Variants in CLNK observed in about 807,000 individuals in gnomAD.
The protein encoded by CLNK is cytokine dependent hematopoietic cell linker, also known as cytokine-dependent hematopoietic cell linker.
CLNK carries 74 observed loss-of-function variants against 68.6 expected under a neutral mutation model. That is an observed-to-expected ratio of 1.08 (90% CI 0.89 to 1.31). The LOEUF (loss-of-function observed/expected upper bound fraction) is 1.31. CLNK is among the 50% of genes most tolerant of loss of function. The probability of loss-of-function intolerance (pLI) is 0.00; values close to 1 mark genes in which losing one functional copy is unlikely to be tolerated. For synonymous variants in CLNK, 198 were observed against 172.2 expected (o/e 1.15, Z -1.17); for missense variants, 553 against 515.3 (o/e 1.07, Z -0.71).
At chr4:10,654,002 T>C (rs963322441) in intron 2 of CLNK, among the ~76,000 whole-genome samples, 1 of 144,348 alleles carries the variant, frequency 6.9e-6, no homozygotes, top group Non-Finnish European at 1.5e-5. Flanking sequence ...GAAATACCAA[T>C]TCAAGATCAG....
chr4:10,578,395 G>A (rs1720649928), intron 4 of CLNK, among the ~76,000 whole-genome samples: 2 of 152,080 alleles, frequency 1.3e-5, no homozygotes, highest in South Asian at 4.1e-4. Context: ...CCCTTCAGCT[G>A]TGAGGCACAG....
intron 8 of CLNK, among the ~76,000 whole-genome samples, chr4:10,545,645 G>A (rs1175262686): frequency 6.6e-6 from 1 of 152,034 alleles, no homozygotes; most frequent in African/African-American, 2.4e-5. Flanking sequence ...GCCCTGGTGG[G>A]GACTCCATTA....
rs57998581 is a variant in CLNK at position 10,665,662 on chromosome 4, C to CAAAA, written c.11+2193_11+2196dup. The stretch of plus-strand genomic sequence containing the variant: ...CTGGTGACAGAGCAAGACTTCGTCT[C>CAAAA]AAAAAAAAAAAAAAAAAAAAAGGCA... On this transcript the variant is annotated intron_variant, in intron 2 of 18. Coordinates refer to ENST00000226951, the MANE Select transcript of CLNK (RefSeq NM_052964.4). 3.8e-3 allele frequency among the ~76,000 whole-genome samples: 235 copies of CAAAA among 62,630 alleles called. 2 individuals are homozygous for CAAAA. Among genetic ancestry groups the CAAAA allele is most frequent in the Admixed American group, 7.5e-3 (42 of 5,634 alleles). 41.1% of individuals were successfully genotyped at this position (62,630 alleles called of 152,430 possible). A position where few individuals can be genotyped will look rare whatever the true frequency, so the allele number is the denominator to read the frequency against.
chr4:10,527,954 A>C, intron 13 of CLNK, 122 bp downstream of exon 13: 1 of 458,798 alleles, frequency 2.2e-6, no homozygotes, highest in Admixed American at 4.5e-5. Flanking sequence ...GTTCACACAC[A>C]TACATCCCCA....
the CLNK span, among the ~76,000 whole-genome samples, chr4:10,723,919 A>AGAGAGACAGAGAGAG: frequency 8.1e-5 from 12 of 148,112 alleles, no homozygotes; most frequent in South Asian, 2.2e-4. Flanking sequence ...AGAGAGAGAG[A>AGAGAGACAGAGAGAG]AGGCAGGGCA....
At chr4:10,556,471 A>G (rs938496875) in intron 8 of CLNK, among the ~76,000 whole-genome samples, 5 of 152,230 alleles carry the variant, frequency 3.3e-5, no homozygotes, top group African/African-American at 1.2e-4. Flanking sequence ...ATAGAGAGGT[A>G]AACAGACATA....
chr4:10,506,064 A>T (rs1450987040), intron 17 of CLNK, among the ~76,000 whole-genome samples: 1 of 152,060 alleles, frequency 6.6e-6, no homozygotes, highest in East Asian at 1.9e-4. Flanking sequence ...TTGATGTTGC[A>T]TCAGTCTTGA....
At chr4:10,696,471 A>G in the CLNK span, among the ~76,000 whole-genome samples, 10 of 152,208 alleles carry the variant, frequency 6.6e-5, no homozygotes, top group Non-Finnish European at 1.0e-4. Flanking sequence ...CTTGCGGCTC[A>G]TGCACCAACC....
intron 11 of CLNK, among the ~76,000 whole-genome samples, chr4:10,535,266 A>AGAAAGAAAG (rs1553847851): frequency 4.0e-5 from 6 of 148,428 alleles, no homozygotes; most frequent in Admixed American, 1.4e-4. Context: ...AAAGAAAGAA[A>AGAAAGAAAG]AAATGGAAAG....
Position 10,495,583 on chromosome 4 carries a change from C to T in CLNK, c.1141-4970G>A, listed in dbSNP as rs1482499938. On this transcript the variant is annotated intron_variant, in intron 18 of 18. Transcript: ENST00000226951. The stretch of plus-strand genomic sequence containing the variant: ...TGATTCCCCCCAATATGTCCATGTC[C>T]TAATCCCAGAATCTGGAATATGACC... Among the ~76,000 whole-genome samples the T allele has an allele frequency of 2.6e-5, 4 of 152,280 alleles. No individual in the cohort carries two copies. The South Asian group carries it at 8.3e-4, about 32-fold the overall frequency.
intron 16 of CLNK, among the ~76,000 whole-genome samples, chr4:10,510,952 A>G (rs1717555298): frequency 6.6e-6 from 1 of 152,234 alleles, no homozygotes; most frequent in Non-Finnish European, 1.5e-5. Flanking sequence ...CAGGAGTTCA[A>G]GATCAGCCTG....
chr4:10,721,162 G>C, the CLNK span, among the ~76,000 whole-genome samples: 100 of 135,040 alleles, frequency 7.4e-4, no homozygotes, highest in Non-Finnish European at 1.3e-3. Context: ...GGACTGAGGA[G>C]GGAGGTGGGG....
chr4:10,651,408 T>C (rs1266885871), intron 2 of CLNK, among the ~76,000 whole-genome samples: 1 of 152,084 alleles, frequency 6.6e-6, no homozygotes, highest in African/African-American at 2.4e-5. Context: ...GGGACATGGA[T>C]AAAGATGGAA....
chr4:10,730,372 G>C, the CLNK span, among the ~76,000 whole-genome samples: 1 of 152,108 alleles, frequency 6.6e-6, no homozygotes, highest in African/African-American at 2.4e-5. Context: ...TTGTCAAGTC[G>C]TACTGATTGT....
At chr4:10,645,900 T>G (rs942673450) in intron 2 of CLNK, among the ~76,000 whole-genome samples, 1 of 152,182 alleles carries the variant, frequency 6.6e-6, no homozygotes, top group African/African-American at 2.4e-5. Flanking sequence ...AATACCTTGA[T>G]TTTTTAATGG....
chr4:10,601,414 A>G (rs1014717586), intron 2 of CLNK, among the ~76,000 whole-genome samples: 2 of 152,238 alleles, frequency 1.3e-5, no homozygotes, highest in African/African-American at 4.8e-5. Context: ...CTAGACAGTA[A>G]GTGGTTAAAG....
chr4:10,556,115 G>C (rs1049148397), intron 8 of CLNK, among the ~76,000 whole-genome samples: 3 of 152,118 alleles, frequency 2.0e-5, no homozygotes, highest in Non-Finnish European at 4.4e-5. Flanking sequence ...TCATATTTTT[G>C]TAGTCATGGG....
chr4:10,535,490 T>C (rs1718723455), intron 11 of CLNK, among the ~76,000 whole-genome samples: 1 of 152,208 alleles, frequency 6.6e-6, no homozygotes, highest in South Asian at 2.1e-4. Context: ...TTAATACATA[T>C]AAGATCCCAA....
chr4:10,616,052 T>G (rs1425434098), intron 2 of CLNK, among the ~76,000 whole-genome samples: 1 of 152,240 alleles, frequency 6.6e-6, no homozygotes, highest in African/African-American at 2.4e-5. Context: ...AAATTATAAT[T>G]GACAAAATTA....
Sources: allele counts gnomAD v4.1 joint callset (sites outside exome capture counted in the v4.1 genomes callset), GRCh38; gene constraint gnomAD v4.1.1; transcripts MANE v1.5; gene names NCBI Gene and HGNC (gene_info 2026-07-23, HGNC 2026-07-21).